The following DYNC2I1 variants were observed in gnomAD, a reference collection of about 807,000 sequenced individuals.
DYNC2I1 encodes dynein 2 intermediate chain 1.
In DYNC2I1, 89 loss-of-function variants were observed where a neutral mutation model predicts 133.4. The observed-to-expected ratio is 0.67, with a 90% CI of 0.56 to 0.80. The LOEUF (loss-of-function observed/expected upper bound fraction) is 0.80. Ranked by LOEUF, DYNC2I1 falls within the 30% of genes least tolerant of loss-of-function variation. The probability of loss-of-function intolerance (pLI) is 0.00; values close to 1 mark genes in which losing one functional copy is unlikely to be tolerated. For synonymous variants in DYNC2I1, 504 were observed against 484.3 expected (o/e 1.04, Z -0.54); for missense variants, 1,291 against 1,314.5 (o/e 0.98, Z 0.28).
the DYNC2I1 span, among the ~76,000 whole-genome samples, chr7:158,840,022 C>T: frequency 6.6e-6 from 1 of 152,128 alleles, no homozygotes; most frequent in African/African-American, 2.4e-5. Flanking sequence ...ACTGTGTCGT[C>T]CAGGCTGGTC....
At chr7:158,883,404 T>C (rs192710616) in intron 5 of DYNC2I1, among the ~76,000 whole-genome samples, 97 of 150,732 alleles carry the variant, frequency 6.4e-4, no homozygotes, top group Non-Finnish European at 7.5e-4. Context: ...TTTGTATTTT[T>C]AGTAGAGTTT....
intron 4 of DYNC2I1, among the ~76,000 whole-genome samples, chr7:158,954,225 A>T (rs541704090): frequency 5.1e-4 from 78 of 152,204 alleles, no homozygotes; most frequent in African/African-American, 1.9e-3. Context: ...AGTCCATTAC[A>T]CCTCTTTCCT....
chr7:158,870,942 G>A (rs576294784), intron 2 of DYNC2I1, among the ~76,000 whole-genome samples, 200 bp from the exon 3 acceptor site: 1 of 152,294 alleles, frequency 6.6e-6, no homozygotes, highest in South Asian at 2.1e-4. Flanking sequence ...ATCTAAGCTT[G>A]ACTCCATGTC....
At chr7:158,922,276 T>C (rs1849176129) in intron 15 of DYNC2I1, 101 bp from the exon 16 acceptor site, 3 of 1,234,746 alleles carry the variant, frequency 2.4e-6, no homozygotes, top group Non-Finnish European at 3.4e-6. Flanking sequence ...CGTTTGTTTC[T>C]TCATGAAGCT....
At chr7:158,880,025 C>A in intron 5 of DYNC2I1, 36 bp downstream of exon 5, 1 of 1,543,248 alleles carries the variant, frequency 6.5e-7, no homozygotes, top group Non-Finnish European at 8.7e-7. Flanking sequence ...TTAGCAGCCG[C>A]CCCGAGGCCG....
intron 8 of DYNC2I1, among the ~76,000 whole-genome samples, chr7:158,897,347 T>A (rs1845850678): frequency 6.6e-6 from 1 of 152,224 alleles, no homozygotes; most frequent in African/African-American, 2.4e-5. Flanking sequence ...TTCACCAGTA[T>A]TAGTGCTTTC....
the DYNC2I1 span, among the ~76,000 whole-genome samples, chr7:158,846,268 T>C: frequency 1.3e-5 from 2 of 151,522 alleles, no homozygotes; most frequent in Admixed American, 6.6e-5. Context: ...CAAAAACAAA[T>C]AAATAAATAA....
chr7:158,932,552 G>A (rs1180602858), intron 21 of DYNC2I1, among the ~76,000 whole-genome samples: 6 of 151,912 alleles, frequency 3.9e-5, no homozygotes, highest in Non-Finnish European at 8.8e-5. Flanking sequence ...AGGCCCTAAC[G>A]AGTCTGTCTG....
Position 158,927,116 on chromosome 7 carries a change from G to A in DYNC2I1, c.2485+73G>A, listed in dbSNP as rs537181798. Reference sequence around the variant, plus strand: ...CGAGATTAAAAGTACTGATAACTGCGGTCAGGTGCAGTGGCTCACACCTGC... The same window carrying A: ...CGAGATTAAAAGTACTGATAACTGCAGTCAGGTGCAGTGGCTCACACCTGC... On this transcript the variant is annotated intron_variant, in intron 20 of 24. Coordinates refer to ENST00000407559, the MANE Select transcript of DYNC2I1 (RefSeq NM_018051.5). The A allele has an allele frequency of 8.5e-4, 973 of 1,144,074 alleles. 6 individuals carry two copies. Among genetic ancestry groups the A allele is most frequent in the Middle Eastern group, 8.3e-4 (3 of 3,608 alleles). The allele number at this position is 1,144,074 out of a possible 1,614,324, so 70.9% of individuals were successfully genotyped here. A position where few individuals can be genotyped will look rare whatever the true frequency, so the allele number is the denominator to read the frequency against.
At chr7:158,850,693 A>T in the DYNC2I1 span, among the ~76,000 whole-genome samples, 1 of 152,214 alleles carries the variant, frequency 6.6e-6, no homozygotes, top group Non-Finnish European at 1.5e-5. Flanking sequence ...GGGCCTTCCC[A>T]ATGATGACTA....
chr7:158,932,000 C>A (rs765505137), intron 21 of DYNC2I1, among the ~76,000 whole-genome samples: 1 of 152,146 alleles, frequency 6.6e-6, no homozygotes, highest in African/African-American at 2.4e-5. Context: ...AGAGGAGGAG[C>A]TGAGCTGTGA....
At chr7:158,958,002 T>G (rs950477106), downstream of DYNC2I1, among the ~76,000 whole-genome samples, 1 of 152,156 alleles carries the variant, frequency 6.6e-6, no homozygotes, top group Admixed American at 6.5e-5. Context: ...TGCCTCAATT[T>G]ACTCACTATC....
In DYNC2I1 at chr7:158,912,477, C is replaced by T. The variant is rs191798386; in HGVS notation, c.1591-508C>T. Among the ~76,000 whole-genome samples, 65 of 152,166 alleles carry T rather than the reference C, an allele frequency of 4.3e-4. No homozygotes were observed. In the East Asian group the frequency reaches 0.013, roughly 29 times the overall value. ...AAATTTTTAAATTTTTTTTAAGAGA[C>T]AGGGTCTTGCTCTGCCACCCAGGCT... is the stretch of plus-strand genomic sequence containing the variant. On this transcript the variant is annotated intron_variant, in intron 12 of 24. Coordinates refer to ENST00000407559, the MANE Select transcript of DYNC2I1 (RefSeq NM_018051.5).
At chr7:158,950,689 ACCGGGACCAGC>A (rs1852027234), downstream of DYNC2I1, among the ~76,000 whole-genome samples, 1 of 148,706 alleles carries the variant, frequency 6.7e-6, no homozygotes, top group African/African-American at 2.5e-5. Context: ...GATATACTGC[ACCGGGACCAGC>A]CTCTATATGA....
At chr7:158,853,717 C>T (rs1054279739), upstream of DYNC2I1, among the ~76,000 whole-genome samples, 10 of 150,402 alleles carry the variant, frequency 6.6e-5, no homozygotes, top group Non-Finnish European at 1.2e-4. Context: ...TGCAGTGGCG[C>T]GATCTTGGCT....
intron 3 of DYNC2I1, among the ~76,000 whole-genome samples, chr7:158,874,729 A>G (rs1346969838): frequency 2.6e-5 from 4 of 152,154 alleles, no homozygotes; most frequent in African/African-American, 7.2e-5. Context: ...ATGGTTTTAA[A>G]TACTGTTTGT....
At chr7:158,941,398 GATT>G (rs1851345295) in intron 23 of DYNC2I1, among the ~76,000 whole-genome samples, 1 of 152,176 alleles carries the variant, frequency 6.6e-6, no homozygotes, top group South Asian at 2.1e-4. Flanking sequence ...TGAATCTGTT[GATT>G]ATTGGCCATT....
At position 158,884,607 on chromosome 7, in the gene DYNC2I1, G is replaced by T. The variant is rs369219811; in HGVS notation, c.923G>T (p.Gly308Val). The stretch of plus-strand genomic sequence containing the variant: ...CGAGGTGCAAGCTCAAAAAGAGATG[G>T]GACCAGCAGCCAGTAAGGATTGCAT... ...RNRGASSKRD[G>V]TSSQHAENLV... The change falls in exon 6 of 25, where the codon GGG becomes GTG. Residue 308 changes from glycine (G) to valine (V), a missense_variant. Transcript: ENST00000407559. The T allele has an allele frequency of 4.5e-5, 72 of 1,613,094 alleles. No homozygotes were observed. The African/African-American group carries it at 8.3e-4, about 19-fold the overall frequency.
chr7:158,949,970 C>T (rs1357890700), downstream of DYNC2I1, among the ~76,000 whole-genome samples: 2 of 152,106 alleles, frequency 1.3e-5, no homozygotes, highest in African/African-American at 2.4e-5. Flanking sequence ...GGGGTTTCTC[C>T]ATGTTGATCA....
Sources: allele counts gnomAD v4.1 joint callset (sites outside exome capture counted in the v4.1 genomes callset), GRCh38; gene constraint gnomAD v4.1.1; transcripts MANE v1.5; gene names NCBI Gene and HGNC (gene_info 2026-07-23, HGNC 2026-07-21).